RORA: variants seen among roughly 807,000 people sequenced by gnomAD.
The protein encoded by RORA is nuclear receptor ROR-alpha.
A neutral mutation model predicts 69.5 loss-of-function variants in RORA; 7 were observed. That is an observed-to-expected ratio of 0.10 (90% CI 0.06 to 0.19). RORA has a LOEUF of 0.19. Among genes scored for constraint, RORA ranks in the 10% least tolerant of loss-of-function variants. The probability of loss-of-function intolerance (pLI) is 1.00; values close to 1 mark genes in which losing one functional copy is unlikely to be tolerated. For synonymous variants in RORA, 261 were observed against 240.8 expected (o/e 1.08, Z -0.78); for missense variants, 457 against 663.0 (o/e 0.69, Z 3.41).
At chr15:60,714,548 A>G (rs978357462) in intron 1 of RORA, among the ~76,000 whole-genome samples, 5 of 151,020 alleles carry the variant, frequency 3.3e-5, no homozygotes, top group African/African-American at 9.8e-5. Context: ...TATTTTTAGT[A>G]GAGATGGGGT....
rs139173866 is a variant in RORA at position 60,773,273 on chromosome 15, C to T, written c.167-94587G>A. On this transcript the variant is annotated intron_variant, in intron 1 of 10. Transcript: ENST00000335670. ...ACTTGAAGAATGATCTTTATATACT[C>T]GGTGCTGGCTTTATCATTCATAGTG... Among the ~76,000 whole-genome samples, 6 of 152,226 alleles carry T rather than the reference C, an allele frequency of 3.9e-5. No individual in the cohort carries two copies. In the East Asian group the frequency reaches 5.8e-4, roughly 15 times the overall value.
intron 1 of RORA, among the ~76,000 whole-genome samples, chr15:60,975,260 C>T (rs1298789003): frequency 1.3e-5 from 2 of 152,128 alleles, no homozygotes; most frequent in African/African-American, 4.8e-5. Context: ...AATTTCAATC[C>T]GTCATAACAT....
intron 1 of RORA, among the ~76,000 whole-genome samples, chr15:61,113,680 CAT>C (rs1212703311): frequency 3.9e-5 from 6 of 152,202 alleles, no homozygotes; most frequent in Non-Finnish European, 2.9e-5. Context: ...TACACACACA[CAT>C]GCACACACAC....
intron 1 of RORA, among the ~76,000 whole-genome samples, chr15:60,783,228 T>A (rs1297743627): frequency 6.6e-6 from 1 of 152,154 alleles, no homozygotes; most frequent in East Asian, 1.9e-4. Context: ...ACTTGAATGT[T>A]TTTATCTTTT....
intron 1 of RORA, among the ~76,000 whole-genome samples, chr15:60,822,665 C>A (rs1478369446): frequency 6.6e-6 from 1 of 152,200 alleles, no homozygotes; most frequent in Non-Finnish European, 1.5e-5. Flanking sequence ...GATGTATACA[C>A]TAGCCAGTGC....
At chr15:60,529,547 A>T (rs911953465) in intron 3 of RORA, 2 of 152,254 alleles carry the variant, frequency 1.3e-5, no homozygotes, top group Non-Finnish European at 2.9e-5. Flanking sequence ...TAAAGTCAAC[A>T]GAGCAGAGGA....
Position 60,592,317 on chromosome 15 carries a change from C to A in RORA, c.197-60466G>T, listed in dbSNP as rs571131546. ...TCGGGCAGGCGCGCCCACCCCTCCCCCTGCGCGCCCTCCTCCCCGCCCCCC... is the reference window on the plus strand; with the variant it reads ...TCGGGCAGGCGCGCCCACCCCTCCCACTGCGCGCCCTCCTCCCCGCCCCCC... On this transcript the variant is annotated intron_variant, in intron 2 of 10. Transcript: ENST00000335670. 19 of 1,170,354 alleles carry A rather than the reference C, an allele frequency of 1.6e-5. No homozygotes were observed. The South Asian group carries it at 2.9e-4, about 18-fold the overall frequency. 72.5% of individuals were successfully genotyped at this position (1,170,354 alleles called of 1,614,324 possible). A position where few individuals can be genotyped will look rare whatever the true frequency, so the allele number is the denominator to read the frequency against.
intron 1 of RORA, among the ~76,000 whole-genome samples, chr15:60,758,287 G>A (rs17270362): frequency 0.13 from 19,952 of 152,176 alleles, 1,652 homozygotes; most frequent in Middle Eastern, 0.19. Context: ...AGCTTGCTAG[G>A]TATAAAAGGG....
At chr15:61,171,787 C>T (rs1218220489) in intron 1 of RORA, among the ~76,000 whole-genome samples, 1 of 152,180 alleles carries the variant, frequency 6.6e-6, no homozygotes, top group African/African-American at 2.4e-5. Context: ...TCAGCTCAGC[C>T]AAACAATAAA....
intron 2 of RORA, among the ~76,000 whole-genome samples, chr15:60,664,113 GCTCCCCTAGTGAAAATGAGAA>G (rs1255613129): frequency 6.6e-6 from 1 of 152,150 alleles, no homozygotes; most frequent in Non-Finnish European, 1.5e-5. Context: ...TCCCTGAGTG[GCTCCCCTAGTGAAAATGAGAA>G]CATCTTCCTG....
At chr15:60,873,150 G>A (rs1003356169) in intron 1 of RORA, among the ~76,000 whole-genome samples, 4 of 151,998 alleles carry the variant, frequency 2.6e-5, no homozygotes, top group African/African-American at 9.7e-5. Context: ...CATGATTAAA[G>A]TGTTCATCTC....
chr15:60,722,365 A>ATCACTCCT (rs2071304765), intron 1 of RORA, among the ~76,000 whole-genome samples: 1 of 152,238 alleles, frequency 6.6e-6, no homozygotes, highest in Non-Finnish European at 1.5e-5. Context: ...CTAAAATAGC[A>ATCACTCCT]GCACCCTTCC....
intron 1 of RORA, among the ~76,000 whole-genome samples, chr15:60,930,281 T>C (rs191675467): frequency 1.1e-3 from 167 of 152,228 alleles, no homozygotes; most frequent in African/African-American, 4.0e-3. Flanking sequence ...ATACTCCAAG[T>C]CCCTGGAGTG....
intron 1 of RORA, among the ~76,000 whole-genome samples, chr15:60,927,720 G>A (rs1892257979): frequency 6.6e-6 from 1 of 152,188 alleles, no homozygotes; most frequent in Non-Finnish European, 1.5e-5. Context: ...GTTGCAATGA[G>A]CCAAGATCAC....
At chr15:60,505,461 T>C (rs769877619) in intron 6 of RORA, 47 bp downstream of exon 6, 4 of 1,602,882 alleles carry the variant, frequency 2.5e-6, no homozygotes, top group Non-Finnish European at 3.4e-6. Context: ...CCAACACCCT[T>C]CCCAATATTG....
At chr15:61,026,138 C>A (rs1320814793) in intron 1 of RORA, among the ~76,000 whole-genome samples, 1 of 152,168 alleles carries the variant, frequency 6.6e-6, no homozygotes, top group Non-Finnish European at 1.5e-5. Flanking sequence ...TCTTCGTGAG[C>A]TACCACAATT....
chr15:60,866,250 T>A (rs894233320), intron 1 of RORA, among the ~76,000 whole-genome samples: 7 of 152,212 alleles, frequency 4.6e-5, no homozygotes, highest in African/African-American at 1.4e-4. Context: ...CTACTCTCCA[T>A]CTGCATGAGT....
chr15:60,592,492 C>T, intron 2 of RORA: 1 of 1,334,464 alleles, frequency 7.5e-7, no homozygotes, highest in Non-Finnish European at 9.6e-7. Flanking sequence ...CGCCGCGCCG[C>T]CGCCGCCCGA....
At chr15:60,825,430 G>A (rs938218484) in intron 1 of RORA, among the ~76,000 whole-genome samples, 6 of 152,218 alleles carry the variant, frequency 3.9e-5, no homozygotes, top group African/African-American at 9.6e-5. Context: ...ACCAGAATTT[G>A]AACTATGGCA....
Sources: allele counts gnomAD v4.1 joint callset (sites outside exome capture counted in the v4.1 genomes callset), GRCh38; gene constraint gnomAD v4.1.1; transcripts MANE v1.5; gene names NCBI Gene and HGNC (gene_info 2026-07-23, HGNC 2026-07-21).